The following CDHR1 variants were observed in gnomAD, a reference collection of about 807,000 sequenced individuals.
The protein encoded by CDHR1 is cadherin related family member 1.
Under a neutral mutation model 72.1 loss-of-function variants are expected in CDHR1, and 61 were observed. That is an observed-to-expected ratio of 0.85 (90% CI 0.69 to 1.05). CDHR1 has a LOEUF of 1.05. Ranked by LOEUF, CDHR1 falls within the 50% of genes least tolerant of loss-of-function variation. CDHR1 has a pLI of 0.00. For missense variants in CDHR1, 1,186 were observed against 1,115.7 expected, an observed-to-expected ratio of 1.06 and a Z score of -0.90; for synonymous variants, 470 against 448.1, an observed-to-expected ratio of 1.05 and a Z score of -0.62.
At chr10:84,197,041 G>C (rs1842042596) in intron 3 of CDHR1, among the ~76,000 whole-genome samples, 1 of 152,306 alleles carries the variant, frequency 6.6e-6, no homozygotes, top group Admixed American at 6.5e-5. Flanking sequence ...AGGGTGGTTG[G>C]CAGTGAGTCT....
In CDHR1 at chr10:84,214,470, C is replaced by T. The variant is rs759646243; in HGVS notation, c.2429C>T (p.Thr810Ile). 1 of 1,610,652 alleles carries T rather than the reference C, an allele frequency of 6.2e-7. No individual in the cohort carries two copies. Among genetic ancestry groups the T allele is most frequent in the Non-Finnish European group, 8.5e-7 (1 of 1,179,710 alleles). ...VAPSTGAAQW[T>I]VPTVSGSLTP... Reference sequence around the variant, plus strand: ...CCCAGCACTGGCGCAGCCCAGTGGACCGTGCCTACTGTCTCTGGCTCTCTC... The same window carrying T: ...CCCAGCACTGGCGCAGCCCAGTGGATCGTGCCTACTGTCTCTGGCTCTCTC... The change falls in exon 17 of 17, where the codon ACC becomes ATC. Residue 810 changes from threonine to isoleucine, a missense_variant. By Grantham distance (89) the Thr-to-Ile change is moderately conservative. Transcript: ENST00000623527.
intron 6 of CDHR1, among the ~76,000 whole-genome samples, chr10:84,200,892 G>A (rs1297193077): frequency 6.6e-6 from 1 of 152,162 alleles, no homozygotes; most frequent in Non-Finnish European, 1.5e-5. Flanking sequence ...CTCTAAGTCA[G>A]CCTGTCCCCT....
intron 8 of CDHR1, among the ~76,000 whole-genome samples, chr10:84,203,902 T>C (rs925939773): frequency 1.3e-5 from 2 of 151,812 alleles, no homozygotes; most frequent in Admixed American, 1.3e-4. Flanking sequence ...GGGCTCAGGG[T>C]AGGCTCCAAG....
chr10:84,205,915 G>T lies in CDHR1; in HGVS notation c.951G>T (p.Glu317Asp). 5 of 1,613,380 alleles carry T rather than the reference G, an allele frequency of 3.1e-6. No homozygotes were observed. The highest frequency in any genetic ancestry group is 1.7e-5 in the Admixed American group (1 of 60,022). Residue 317 changes from glutamate to aspartate, a missense_variant, in exon 10 of 17, where the codon GAG (glutamate) becomes GAT (aspartate). Physicochemically the swap from Glu to Asp is conservative, Grantham distance 45. Coordinates refer to ENST00000623527, the MANE Select transcript of CDHR1 (RefSeq NM_033100.4). Reference protein sequence around the residue: ...SPAQLQREVYELHVQVTEMSP... With the variant: ...SPAQLQREVYDLHVQVTEMSP... The stretch of plus-strand genomic sequence containing the variant: ...CCCAGCTCCAGAGAGAGGTGTATGA[G>T]CTGCATGTACAGGTACCCTCCCTCT...
At position 84,196,508 on chromosome 10, in the gene CDHR1, C is replaced by G. The variant is rs369974970; in HGVS notation, c.155C>G (p.Ser52Cys). ...TCTCCACTGTGTTTCCTTCCAGGCT[C>G]TCACGTATACACCCTGAATGGGACA... ...FSLPEDTPVG[S>C]HVYTLNGTDP... Residue 52 changes from serine to cysteine, a missense_variant, in exon 3 of 17, where the codon TCT becomes TGT. Coordinates refer to ENST00000623527, the MANE Select transcript of CDHR1 (RefSeq NM_033100.4). 6.2e-6 allele frequency: 10 copies of G among 1,614,114 alleles called. No homozygotes were observed. The highest frequency in any genetic ancestry group is 5.5e-5 in the South Asian group (5 of 91,090).
rs1400864974 is a variant in CDHR1, at chr10:84,214,156, G to A, written c.2115G>A (p.Leu705=). Residue 705 remains leucine (L), a synonymous_variant, in exon 17 of 17, where the codon CTG becomes CTA. Transcript: ENST00000623527. The part of the protein sequence containing the change: ...KDNPMKAVGV[L]AGTMATVVAI... The stretch of plus-strand genomic sequence containing the variant: ...ACCCCATGAAGGCCGTGGGTGTGCT[G>A]GCCGGCACCATGGCCACCGTCGTGG... 1 of 1,614,144 alleles carries A rather than the reference G, an allele frequency of 6.2e-7. No individual in the cohort carries two copies. Among genetic ancestry groups the A allele is most frequent in the Admixed American group, 1.7e-5 (1 of 60,016 alleles).
In CDHR1 at chr10:84,215,276, G is replaced by C. The variant is rs1788282770; in HGVS notation, c.*655G>C. ...CCCTGGTATGCCCACGTGGGACAGAGGACACAGAGGTGGAAGATTGATCTT... is the reference window on the plus strand; with the variant it reads ...CCCTGGTATGCCCACGTGGGACAGACGACACAGAGGTGGAAGATTGATCTT... On this transcript the variant is annotated 3_prime_UTR_variant, in exon 17 of 17. Transcript: ENST00000623527. 1.0e-6 allele frequency: 1 copy of C among 989,012 alleles called. No homozygotes were observed. The allele number at this position is 989,012 out of a possible 1,614,324, so 61.3% of individuals were successfully genotyped here. A position where few individuals can be genotyped will look rare whatever the true frequency, so the allele number is the denominator to read the frequency against.
In CDHR1 at chr10:84,208,711, A is replaced by G; in HGVS notation, c.1168-18A>G. On this transcript the variant is annotated intron_variant, in intron 11 of 16. Coordinates refer to ENST00000623527, the MANE Select transcript of CDHR1 (RefSeq NM_033100.4). ...ATCATCATTCATCTTCCTTGTTTCCACTCTCCAAATTCTCTAGGGAGCCAA... is the reference window on the plus strand; with the variant it reads ...ATCATCATTCATCTTCCTTGTTTCCGCTCTCCAAATTCTCTAGGGAGCCAA... 6.2e-7 allele frequency: 1 copy of G among 1,612,278 alleles called. No individual in the cohort carries two copies.
Position 84,214,296 on chromosome 10 carries a change from G to T in CDHR1, c.2255G>T (p.Arg752Leu). The T allele has an allele frequency of 6.2e-7, 1 of 1,613,988 alleles. No homozygotes were observed. Among genetic ancestry groups the T allele is most frequent in the South Asian group, 1.1e-5 (1 of 91,080 alleles). The change falls in exon 17 of 17, where the codon CGC (arginine) becomes CTC (leucine). Residue 752 changes from arginine to leucine, a missense_variant. Transcript: ENST00000623527. ...CCCAGCCCTGCGCCCCGCACCATCC[G>T]CATTGAGTGGCTCAAGTCCAAGAGC... is the stretch of plus-strand genomic sequence containing the variant. The part of the protein sequence containing the change: ...KRPSPAPRTI[R>L]IEWLKSKSTK...
Position 84,194,677 on chromosome 10 carries a change from GC to G in CDHR1, c.-81del. ...CGCCGCTACCCCCATTGTGGTCTCT[GC>G]CCTCCCCGCGGGCCCAGGGCATGCT... On this transcript the variant is annotated 5_prime_UTR_variant, in exon 1 of 17. Coordinates refer to ENST00000623527, the MANE Select transcript of CDHR1 (RefSeq NM_033100.4). The G allele has an allele frequency of 8.7e-7, 1 of 1,146,062 alleles. No individual in the cohort carries two copies. Among genetic ancestry groups the G allele is most frequent in the South Asian group, 1.8e-5 (1 of 55,954 alleles). 71.0% of individuals were successfully genotyped at this position (1,146,062 alleles called of 1,614,324 possible).
In CDHR1 at chr10:84,203,011, T is replaced by A. The variant is rs752984782; in HGVS notation, c.671T>A (p.Val224Glu). The change falls in exon 8 of 17, where the codon GTG (valine) becomes GAG (glutamate). Residue 224 changes from valine to glutamate, a missense_variant. By Grantham distance (121) the Val-to-Glu change is moderately radical. Transcript: ENST00000623527. ...GGTGGGAGGCTTCATGGGGCTGATG[T>A]GGTGTTCTCAGCCACCACCACGGTC... ...DGGGRLHGAD[V>E]VFSATTTVTV... The A allele has an allele frequency of 6.2e-7, 1 of 1,614,196 alleles. No homozygotes were observed. Among genetic ancestry groups the A allele is most frequent in the South Asian group, 1.1e-5 (1 of 91,086 alleles).
intron 10 of CDHR1, 77 bp downstream of exon 10, chr10:84,206,004 T>C (rs1380238063): frequency 1.6e-5 from 17 of 1,068,608 alleles, no homozygotes; most frequent in Non-Finnish European, 2.3e-5. Flanking sequence ...ACCCAGGCCC[T>C]TTTTCCTGGG....
chr10:84,218,666 A>G lies in CDHR1; in HGVS notation c.*4045A>G. The G allele has an allele frequency of 1.0e-6, 1 of 986,680 alleles. No individual in the cohort carries two copies. The highest frequency in any genetic ancestry group is 1.2e-6 in the Non-Finnish European group (1 of 830,812). The allele number at this position is 986,680 out of a possible 1,614,324, so 61.1% of individuals were successfully genotyped here. A position where few individuals can be genotyped will look rare whatever the true frequency, so the allele number is the denominator to read the frequency against. On this transcript the variant is annotated 3_prime_UTR_variant, in exon 17 of 17. Coordinates refer to ENST00000623527, the MANE Select transcript of CDHR1 (RefSeq NM_033100.4). ...AACTTGTATGGTCTAAACTCTAAAT[A>G]AATAAGCTTCTCAAGGGCATGACAA...
intron 4 of CDHR1, 151 bp from the exon 5 acceptor site, chr10:84,198,881 G>C (rs1361499865): frequency 1.4e-6 from 1 of 706,816 alleles, no homozygotes; most frequent in African/African-American, 1.8e-5. Flanking sequence ...AATGTTTATT[G>C]CATTAATGAA....
At chr10:84,210,361 G>T (rs368616801) in intron 12 of CDHR1, among the ~76,000 whole-genome samples, 63 of 152,202 alleles carry the variant, frequency 4.1e-4, no homozygotes, top group African/African-American at 1.5e-3. Context: ...TGCCTCCCAG[G>T]TTTAAGTGAT....
At chr10:84,200,580 C>G in intron 5 of CDHR1, 21 bp from the exon 6 acceptor site, 1 of 1,576,702 alleles carries the variant, frequency 6.3e-7, no homozygotes, top group African/African-American at 1.3e-5. Context: ...TGACCCTCCC[C>G]TGTGGCTGTG....
intron 15 of CDHR1, 63 bp from the exon 16 acceptor site, chr10:84,213,028 T>C (rs928507916): frequency 6.2e-7 from 1 of 1,609,610 alleles, no homozygotes; most frequent in Admixed American, 1.7e-5. Context: ...ACGTGCTGAT[T>C]TAGCCAGAGT....
chr10:84,217,326 G>A lies in CDHR1; in HGVS notation c.*2705G>A. On this transcript the variant is annotated 3_prime_UTR_variant, in exon 17 of 17. Coordinates refer to ENST00000623527, the MANE Select transcript of CDHR1 (RefSeq NM_033100.4). ...TTGCCCATTCCTGGCCCTGAGAATG[G>A]AGCTGTAGCCTCATGGACAATAAAT... 1.0e-6 allele frequency: 1 copy of A among 985,266 alleles called. No individual in the cohort carries two copies. Among genetic ancestry groups the A allele is most frequent in the Non-Finnish European group, 1.2e-6 (1 of 829,808 alleles). 61.0% of individuals were successfully genotyped at this position (985,266 alleles called of 1,614,324 possible).
rs777605123 is a variant in CDHR1 at position 84,214,551 on chromosome 10, A to G, written c.2510A>G (p.Gln837Arg). 43 of 1,601,472 alleles carry G rather than the reference A, an allele frequency of 2.7e-5. No homozygotes were observed. Among genetic ancestry groups the G allele is most frequent in the Non-Finnish European group, 3.5e-5 (41 of 1,179,948 alleles). The change falls in exon 17 of 17, where the codon CAG becomes CGG. Residue 837 changes from glutamine (Q) to arginine (R), a missense_variant. By Grantham distance (43) the Gln-to-Arg change is conservative (BLOSUM62 1). Transcript: ENST00000623527. ...PKPKTMGSPV[Q>R]STLISELKQK... ...CCCAAAACTATGGGAAGCCCCGTCCAGTCAACTCTGATCTCTGAGCTCAAG... is the reference window on the plus strand; with the variant it reads ...CCCAAAACTATGGGAAGCCCCGTCCGGTCAACTCTGATCTCTGAGCTCAAG...
Sources: gnomAD v4.1 joint callset for allele counts (sites outside exome capture counted in the v4.1 genomes callset) on GRCh38, gnomAD v4.1.1 for gene constraint, MANE v1.5 for transcripts, NCBI Gene and HGNC (gene_info 2026-07-23, HGNC 2026-07-21) for gene names.